ZMAT4: variants seen among roughly 807,000 people sequenced by gnomAD.
ZMAT4 encodes the protein zinc finger matrin-type protein 4.
In ZMAT4, 17 loss-of-function variants were observed where a neutral mutation model predicts 28.7. The observed-to-expected ratio is 0.59, with a 90% CI of 0.41 to 0.89. The LOEUF is 0.89. Ranked by LOEUF, ZMAT4 falls within the 40% of genes least tolerant of loss-of-function variation. The probability of loss-of-function intolerance (pLI) is 0.00; values close to 1 mark genes in which losing one functional copy is unlikely to be tolerated. For missense variants in ZMAT4, 240 were observed against 283.8 expected (o/e 0.85, Z 1.11); for synonymous variants, 117 against 109.2 (o/e 1.07, Z -0.44).
intron 6 of ZMAT4, among the ~76,000 whole-genome samples, chr8:40,550,410 T>C (rs1803331491): frequency 6.6e-6 from 1 of 152,216 alleles, no homozygotes; most frequent in Non-Finnish European, 1.5e-5. Flanking sequence ...CCTGCATGTT[T>C]AATTCTGTCT....
intron 4 of ZMAT4, among the ~76,000 whole-genome samples, chr8:40,681,303 T>C (rs911346370): frequency 6.6e-6 from 1 of 152,238 alleles, no homozygotes; most frequent in Non-Finnish European, 1.5e-5. Context: ...CTGCTCCCAG[T>C]GGGGATTATT....
At chr8:40,635,981 T>C (rs1318770286) in intron 5 of ZMAT4, among the ~76,000 whole-genome samples, 1 of 152,208 alleles carries the variant, frequency 6.6e-6, no homozygotes, top group Admixed American at 6.5e-5. Flanking sequence ...AAAGTAGCAG[T>C]GGCTCAGATT....
intron 3 of ZMAT4, among the ~76,000 whole-genome samples, chr8:40,713,921 C>CAAAAAAAAAAAAAAAAAAGA (rs1810735295): frequency 1.2e-4 from 6 of 49,964 alleles, no homozygotes; most frequent in Non-Finnish European, 2.1e-4. Context: ...AAAACAAAAC[C>CAAAAAAAAAAAAAAAAAAGA]AAAAAAAAAA....
chr8:40,811,749 A>C (rs972565680), intron 2 of ZMAT4, among the ~76,000 whole-genome samples: 11 of 152,208 alleles, frequency 7.2e-5, no homozygotes, highest in Non-Finnish European at 1.6e-4. Flanking sequence ...AAATGCAGGA[A>C]CATGGATGGC....
At chr8:40,743,560 C>T (rs1313536887) in intron 3 of ZMAT4, among the ~76,000 whole-genome samples, 4 of 152,218 alleles carry the variant, frequency 2.6e-5, no homozygotes, top group Admixed American at 6.5e-5. Flanking sequence ...GTGCCTACAA[C>T]GCACAAGGAC....
chr8:40,686,908 C>A (rs1809433953), intron 4 of ZMAT4, among the ~76,000 whole-genome samples: 1 of 151,884 alleles, frequency 6.6e-6, no homozygotes, highest in South Asian at 2.1e-4. Flanking sequence ...AACCCAGAGC[C>A]CCTAACTGCT....
At chr8:40,609,436 G>T (rs75008063) in intron 5 of ZMAT4, among the ~76,000 whole-genome samples, 184 of 152,146 alleles carry the variant, frequency 1.2e-3, no homozygotes, top group African/African-American at 4.2e-3. Flanking sequence ...TTGTCCCCTG[G>T]TGCACTCCAC....
intron 5 of ZMAT4, among the ~76,000 whole-genome samples, chr8:40,594,410 G>C (rs1047467763): frequency 1.3e-5 from 2 of 152,158 alleles, no homozygotes; most frequent in Non-Finnish European, 2.9e-5. Context: ...ATTGAGGCCT[G>C]AAGAGACAGA....
At chr8:40,616,589 A>G (rs2118676379) in intron 5 of ZMAT4, among the ~76,000 whole-genome samples, 1 of 152,288 alleles carries the variant, frequency 6.6e-6, no homozygotes, top group Admixed American at 6.5e-5. Context: ...CTTTGGAGGG[A>G]CATGGATGAA....
intron 2 of ZMAT4, among the ~76,000 whole-genome samples, chr8:40,774,904 T>C (rs926151188): frequency 6.6e-6 from 1 of 152,196 alleles, no homozygotes; most frequent in Non-Finnish European, 1.5e-5. Context: ...ATTCCAATAA[T>C]CAGATGGAAA....
chr8:40,604,023 G>T (rs146604326), intron 5 of ZMAT4, among the ~76,000 whole-genome samples: 164 of 152,228 alleles, frequency 1.1e-3, no homozygotes, highest in African/African-American at 3.8e-3. Flanking sequence ...TCTCAGCTTG[G>T]TTGCTTTTGG....
At chr8:40,839,502 T>C (rs922829331) in intron 1 of ZMAT4, among the ~76,000 whole-genome samples, 6 of 152,144 alleles carry the variant, frequency 3.9e-5, no homozygotes, top group Admixed American at 3.3e-4. Context: ...GAAATCAATA[T>C]ACCAAAAAGA....
chr8:40,831,751 C>G (rs889016137), intron 1 of ZMAT4, among the ~76,000 whole-genome samples: 4 of 152,180 alleles, frequency 2.6e-5, no homozygotes, highest in African/African-American at 9.7e-5. Context: ...TCTGAATTTC[C>G]AAACTGCCAC....
intron 4 of ZMAT4, among the ~76,000 whole-genome samples, chr8:40,693,337 A>C (rs1417784845): frequency 2.6e-5 from 4 of 151,910 alleles, no homozygotes; most frequent in Non-Finnish European, 5.9e-5. Flanking sequence ...GCTGGTATCA[A>C]ATTCCTGGGC....
chr8:40,568,940 A>G (rs981538967), intron 6 of ZMAT4, among the ~76,000 whole-genome samples: 3 of 152,090 alleles, frequency 2.0e-5, no homozygotes, highest in African/African-American at 7.2e-5. Context: ...TGTAATCACT[A>G]CTTGTTGCAT....
At chr8:40,589,976 CCTTCCTTCCTTCCTTCCTTCCTT>C (rs1804830162) in intron 5 of ZMAT4, among the ~76,000 whole-genome samples, 1 of 86,962 alleles carries the variant, frequency 1.1e-5, no homozygotes, top group Non-Finnish European at 2.3e-5. Flanking sequence ...TCCCTCCCTT[CCTTCCTTCCTTCCTTCCTTCCTT>C]CCTTCCTTCC....
rs555177228 is a variant in ZMAT4, at chr8:40,551,803, A to G, written c.675-19565T>C. ...GATATATCTGCACTTGTAATTTCTC[A>G]TTTTCAGAAATGAAAGTTGTGGCAT... On this transcript the variant is annotated intron_variant, in intron 6 of 6. Transcript: ENST00000297737. Among the ~76,000 whole-genome samples, 12 of 152,280 alleles carry G rather than the reference A, an allele frequency of 7.9e-5. No individual in the cohort carries two copies. In the East Asian group the frequency reaches 2.3e-3, roughly 29 times the overall value.
chr8:40,708,658 T>A (rs918826717), intron 3 of ZMAT4, among the ~76,000 whole-genome samples: 1 of 149,848 alleles, frequency 6.7e-6, no homozygotes, highest in Non-Finnish European at 1.5e-5. Flanking sequence ...TTTTTTTTTT[T>A]TTTTTGAGAG....
In ZMAT4 at chr8:40,596,217, G is replaced by A. The variant is rs201880146; in HGVS notation, c.578-14956C>T. Reference sequence around the variant, plus strand: ...TTGCTCTGGGTGAGTCAGTAAGTGAGTGATGAGTGAATGGGAAGGCCTAGA... The same window carrying A: ...TTGCTCTGGGTGAGTCAGTAAGTGAATGATGAGTGAATGGGAAGGCCTAGA... On this transcript the variant is annotated intron_variant, in intron 5 of 6. Coordinates refer to ENST00000297737, the MANE Select transcript of ZMAT4 (RefSeq NM_024645.3). 1.6e-4 allele frequency among the ~76,000 whole-genome samples: 24 copies of A among 152,340 alleles called. No homozygotes were observed. In the East Asian group the frequency reaches 4.4e-3, roughly 28 times the overall value.
Sources: allele counts gnomAD v4.1 joint callset (sites outside exome capture counted in the v4.1 genomes callset), GRCh38; gene constraint gnomAD v4.1.1; transcripts MANE v1.5; gene names NCBI Gene and HGNC (gene_info 2026-07-23, HGNC 2026-07-21).